The following CAPN10 variants were observed in gnomAD, a reference collection of about 807,000 sequenced individuals.
CAPN10 encodes the protein calpain 10.
In CAPN10, 71 loss-of-function variants were observed where a neutral mutation model predicts 78.4. That is an observed-to-expected ratio of 0.91 (90% CI 0.75 to 1.10). The LOEUF (loss-of-function observed/expected upper bound fraction) is 1.10. Among genes scored for constraint, CAPN10 ranks in the 50% least tolerant of loss-of-function variants. The probability of loss-of-function intolerance (pLI) is 0.00; values close to 1 mark genes in which losing one functional copy is unlikely to be tolerated. For missense variants in CAPN10, 849 were observed against 924.6 expected, an observed-to-expected ratio of 0.92 and a Z score of 1.06; for synonymous variants, 437 against 407.2, an observed-to-expected ratio of 1.07 and a Z score of -0.88.
intron 3 of CAPN10, chr2:240,591,259 C>T (rs946039534): frequency 2.0e-6 from 1 of 510,040 alleles, no homozygotes; most frequent in Non-Finnish European, 3.5e-6. Flanking sequence ...TCGTTCTCCA[C>T]AGAGAACATG....
intron 3 of CAPN10, chr2:240,591,423 G>A (rs1335170541): frequency 1.8e-5 from 4 of 226,282 alleles, no homozygotes. Flanking sequence ...GGTGCTTGCT[G>A]GCTCAGGGGA....
Position 240,592,074 on chromosome 2 carries a change from G to T in CAPN10, c.612G>T (p.Glu204Asp). 1 of 1,605,994 alleles carries T rather than the reference G, an allele frequency of 6.2e-7. No homozygotes were observed. Among genetic ancestry groups the T allele is most frequent in the Admixed American group, 1.7e-5 (1 of 58,190 alleles). The change falls in exon 4 of 12, where the codon GAG (glutamate) becomes GAT (aspartate). Residue 204 changes from glutamate (E) to aspartate (D), a missense_variant. Physicochemically the swap from Glu to Asp is conservative, Grantham distance 45. Coordinates refer to ENST00000391984, the MANE Select transcript of CAPN10 (RefSeq NM_023083.4). ...GGQQDRPGRW[E>D]HRTCRQLLHL... is the part of the protein sequence containing the mutation. The stretch of plus-strand genomic sequence containing the variant: ...AGCAGGACAGGCCAGGCCGCTGGGA[G>T]CACAGGACTTGTCGGCAGCTGCTCC...
At chr2:240,592,816 C>G (rs2093111083) in intron 4 of CAPN10, 2 of 198,330 alleles carry the variant, frequency 1.0e-5, no homozygotes, top group Non-Finnish European at 2.1e-5. Context: ...GCCACAGTCT[C>G]TTAATCATTC....
chr2:240,597,423 T>C, intron 9 of CAPN10, among the ~76,000 whole-genome samples: 1 of 152,154 alleles, frequency 6.6e-6, no homozygotes, highest in Non-Finnish European at 1.5e-5. Flanking sequence ...TTACCCTGAC[T>C]CAGAATGACT....
In CAPN10 at chr2:240,596,862, CG is replaced by C. The variant is rs2093140431; in HGVS notation, c.1664del (p.Arg555ProfsTer47). The C allele has an allele frequency of 2.5e-6, 4 of 1,613,580 alleles. No individual in the cohort carries two copies. The highest frequency in any genetic ancestry group is 3.4e-6 in the Non-Finnish European group (4 of 1,180,008). ...PFSVPEGPGPRCVRITLHQHC... is the reference protein window; with the variant it reads ...PFSVPEGPGPXCVRITLHQHC... Reference sequence around the variant, plus strand: ...CTCGGTCCCCGAGGGCCCTGGCCCCCGCTGCGTCCGCATCACTCTGCATCAG... The same window carrying C: ...CTCGGTCCCCGAGGGCCCTGGCCCCCCTGCGTCCGCATCACTCTGCATCAG... On this transcript the variant is annotated frameshift_variant, in exon 9 of 12. Transcript: ENST00000391984. LOFTEE classifies it high-confidence loss of function.
Position 240,591,938 on chromosome 2 carries a change from A to C in CAPN10, c.476A>C (p.His159Pro). The C allele has an allele frequency of 6.2e-7, 1 of 1,612,914 alleles. No individual in the cohort carries two copies. The highest frequency in any genetic ancestry group is 8.5e-7 in the Non-Finnish European group (1 of 1,179,792). ...ATGGTGATTGTGTCCCCTAGGGTCCATGGGTCCTACGAGCACCTGTGGGCC... is the reference window on the plus strand; with the variant it reads ...ATGGTGATTGTGTCCCCTAGGGTCCCTGGGTCCTACGAGCACCTGTGGGCC... The part of the protein sequence containing the change: ...PLLEKVYAKV[H>P]GSYEHLWAGQ... Residue 159 changes from histidine to proline, a missense_variant, in exon 4 of 12, where the codon CAT becomes CCT. By Grantham distance (77) the His-to-Pro change is moderately conservative. Transcript: ENST00000391984.
Position 240,592,027 on chromosome 2 carries a change from G to A in CAPN10, c.565G>A (p.Gly189Ser), listed in dbSNP as rs2093105192. 1 of 1,613,030 alleles carries A rather than the reference G, an allele frequency of 6.2e-7. No homozygotes were observed. The highest frequency in any genetic ancestry group is 1.3e-5 in the African/African-American group (1 of 74,930). Residue 189 changes from glycine (G) to serine (S), a missense_variant, in exon 4 of 12, where the codon GGC becomes AGC. Transcript: ENST00000391984. ...CCTGGCAGAAAGATGGAACCTGAAG[G>A]GCGTAGCAGGAAGCGGAGGCCAGCA... The part of the protein sequence containing the change: ...GGLAERWNLK[G>S]VAGSGGQQDR...
Position 240,594,033 on chromosome 2 carries a change from G to T in CAPN10, c.816G>T (p.Gly272=). 2 of 1,603,138 alleles carry T rather than the reference G, an allele frequency of 1.2e-6. No homozygotes were observed. Among genetic ancestry groups the T allele is most frequent in the Admixed American group, 1.7e-5 (1 of 59,580 alleles). ...CCTGGGGCCGGCGGTGCTGGCAGGG[G>T]CTCTGGAGAGAGGGGTGAGTGCTGG... is the stretch of plus-strand genomic sequence containing the variant. The part of the protein sequence containing the change: ...QNPWGRRCWQ[G]LWREGGEGWS... Residue 272 remains glycine (G), a synonymous_variant, in exon 5 of 12, where the codon GGG becomes GGT. Coordinates refer to ENST00000391984, the MANE Select transcript of CAPN10 (RefSeq NM_023083.4).
At chr2:240,597,836 G>T (rs1454348175) in intron 9 of CAPN10, 52 bp from the exon 10 acceptor site, 2 of 1,505,220 alleles carry the variant, frequency 1.3e-6, no homozygotes. Context: ...CCCTGGGCTG[G>T]GCTCCCTACC....
intron 3 of CAPN10, 76 bp from the exon 4 acceptor site, chr2:240,591,857 C>G (rs1362254082): frequency 7.4e-7 from 1 of 1,356,066 alleles, no homozygotes; most frequent in Non-Finnish European, 1.0e-6. Flanking sequence ...ATTTGGGGTG[C>G]TACAGACCAT....
Position 240,598,847 on chromosome 2 carries a change from C to T in CAPN10, c.*167C>T, listed in dbSNP as rs1171469394. 4.6e-6 allele frequency: 3 copies of T among 659,220 alleles called. No homozygotes were observed. The Admixed American group carries it at 8.0e-5, about 18-fold the overall frequency. 40.8% of individuals were successfully genotyped at this position (659,220 alleles called of 1,614,324 possible). A position where few individuals can be genotyped will look rare whatever the true frequency, so the allele number is the denominator to read the frequency against. On this transcript the variant is annotated 3_prime_UTR_variant, in exon 12 of 12. Coordinates refer to ENST00000391984, the MANE Select transcript of CAPN10 (RefSeq NM_023083.4). ...CTAGGGGTCCACGGGAAGCCTCCGTCAGGAGAGACGCAGCCCTGGGGGCCA... is the reference window on the plus strand; with the variant it reads ...CTAGGGGTCCACGGGAAGCCTCCGTTAGGAGAGACGCAGCCCTGGGGGCCA...
chr2:240,597,912 G>A lies in CAPN10; in HGVS notation c.1768G>A (p.Asp590Asn). 1 of 1,608,356 alleles carries A rather than the reference G, an allele frequency of 6.2e-7. No individual in the cohort carries two copies. Among genetic ancestry groups the A allele is most frequent in the Non-Finnish European group, 8.5e-7 (1 of 1,178,236 alleles). ...GGTCCCAGAGGGTGGAAGGAGCCAGGACGCACCCCCACTGCTGCTGCAGGA... is the reference window on the plus strand; with the variant it reads ...GGTCCCAGAGGGTGGAAGGAGCCAGAACGCACCCCCACTGCTGCTGCAGGA... ...FQVPEGGRSQ[D>N]APPLLLQEPL... is the part of the protein sequence containing the mutation. Residue 590 changes from aspartate (D) to asparagine (N), a missense_variant, in exon 10 of 12, where the codon GAC becomes AAC. Asp to Asn is a conservative substitution (Grantham distance 23). Coordinates refer to ENST00000391984, the MANE Select transcript of CAPN10 (RefSeq NM_023083.4).
Position 240,589,660 on chromosome 2 carries a change from G to T in CAPN10, c.273+186G>T, listed in dbSNP as rs532861903. ...ACTGCACTCTGTCCCTCTGCTGCAGGGGGGGGTGCCTTGGCCTCGCCAGAA... is the reference window on the plus strand; with the variant it reads ...ACTGCACTCTGTCCCTCTGCTGCAGTGGGGGGTGCCTTGGCCTCGCCAGAA... On this transcript the variant is annotated intron_variant, in intron 2 of 11. Transcript: ENST00000391984. 7.2e-5 allele frequency: 56 copies of T among 774,274 alleles called. 1 individual carries two copies. The highest frequency in any genetic ancestry group is 3.8e-4 in the Middle Eastern group (1 of 2,616). 48.0% of individuals were successfully genotyped at this position (774,274 alleles called of 1,614,324 possible).
intron 4 of CAPN10, 29 bp downstream of exon 4, chr2:240,592,179 T>C: frequency 6.5e-7 from 1 of 1,534,974 alleles, no homozygotes; most frequent in Non-Finnish European, 8.8e-7. Flanking sequence ...ATGGGAGGGC[T>C]GCAGCCAGCG....
At chr2:240,595,814 A>C in intron 7 of CAPN10, 1 of 618,732 alleles carries the variant, frequency 1.6e-6, no homozygotes, top group Non-Finnish European at 2.7e-6. Context: ...TGGTTCACAA[A>C]GTGTGTTGTT....
At chr2:240,595,786 AGTCCCAGGCTCAACCACTGGTT>A in intron 7 of CAPN10, 1 of 480,978 alleles carries the variant, frequency 2.1e-6, no homozygotes. Context: ...AGGCCCAGGC[AGTCCCAGGCTCAACCACTGGTT>A]CACAAAGTGT....
chr2:240,590,870 C>G lies in CAPN10; in HGVS notation c.329C>G (p.Thr110Ser). 1 of 1,614,252 alleles carries G rather than the reference C, an allele frequency of 6.2e-7. No homozygotes were observed. ...WADQEYRGSF[T>S]CRIWQFGRWV... The stretch of plus-strand genomic sequence containing the variant: ...GACCAGGAGTACCGGGGCTCCTTCA[C>G]CTGTCGCATTTGGCAGTTTGGACGC... Residue 110 changes from threonine to serine, a missense_variant, in exon 3 of 12, where the codon ACC becomes AGC. By Grantham distance (58) the Thr-to-Ser change is moderately conservative (BLOSUM62 1). Coordinates refer to ENST00000391984, the MANE Select transcript of CAPN10 (RefSeq NM_023083.4).
At chr2:240,596,207 G>A (rs2093135524) in intron 7 of CAPN10, 112 bp from the exon 8 acceptor site, 1 of 1,475,440 alleles carries the variant, frequency 6.8e-7, no homozygotes, top group Admixed American at 2.5e-5. Context: ...ACAGGCCTTG[G>A]CGCTTTCATC....
At position 240,595,097 on chromosome 2, in the gene CAPN10, C is replaced by A. The variant is rs867237291; in HGVS notation, c.1071C>A (p.Asn357Lys). 1.2e-6 allele frequency: 2 copies of A among 1,613,872 alleles called. No homozygotes were observed. Among genetic ancestry groups the A allele is most frequent in the South Asian group, 2.2e-5 (2 of 91,088 alleles). ...GCCAGTCAGCAGGAGGCTGCCGGAA[C>A]AACAGCGGCTTTCCCAGCAACCCCA... Reference protein sequence around the residue: ...VKGQSAGGCRNNSGFPSNPKF... With the variant: ...VKGQSAGGCRKNSGFPSNPKF... The change falls in exon 7 of 12, where the codon AAC becomes AAA. Residue 357 changes from asparagine to lysine, a missense_variant. By Grantham distance (94) the Asn-to-Lys change is moderately conservative. Coordinates refer to ENST00000391984, the MANE Select transcript of CAPN10 (RefSeq NM_023083.4).
Sources: allele counts gnomAD v4.1 joint callset (sites outside exome capture counted in the v4.1 genomes callset), GRCh38; gene constraint gnomAD v4.1.1; transcripts MANE v1.5; gene names NCBI Gene and HGNC (gene_info 2026-07-23, HGNC 2026-07-21).